CADPS2: variants seen among roughly 807,000 people sequenced by gnomAD.
CADPS2 encodes the protein calcium dependent secretion activator 2.
In CADPS2, 93 loss-of-function variants were observed where a neutral mutation model predicts 172.5. The observed-to-expected ratio is 0.54, with a 90% CI of 0.46 to 0.64. The LOEUF (loss-of-function observed/expected upper bound fraction) is 0.64, where lower values mean the gene tolerates loss of function less well. CADPS2 is among the 30% of genes least tolerant of loss of function. The pLI, the probability that CADPS2 is intolerant of heterozygous loss-of-function variation, is 0.00. For synonymous variants in CADPS2, 546 were observed against 555.2 expected, an observed-to-expected ratio of 0.98 and a Z score of 0.23; for missense variants, 1,420 against 1,565.9, an observed-to-expected ratio of 0.91 and a Z score of 1.57.
intron 17 of CADPS2, chr7:122,424,591 A>G (rs2048914015): frequency 6.6e-6 from 1 of 152,240 alleles, no homozygotes; most frequent in South Asian, 2.1e-4. Context: ...TAAAGAGATG[A>G]TAGTGATGGA....
chr7:122,707,344 GA>G (rs1008088051), intron 2 of CADPS2, among the ~76,000 whole-genome samples: 12 of 151,862 alleles, frequency 7.9e-5, no homozygotes, highest in Admixed American at 5.3e-4. Context: ...AAATTTTTTA[GA>G]AGGTTATAAC....
intron 4 of CADPS2, among the ~76,000 whole-genome samples, chr7:122,622,537 T>C (rs1413275655): frequency 2.6e-5 from 4 of 152,220 alleles, no homozygotes; most frequent in Non-Finnish European, 5.9e-5. Flanking sequence ...GAATCATTCT[T>C]AGAGAAGATT....
chr7:122,702,257 T>A (rs775871119), intron 2 of CADPS2: 47 of 1,613,822 alleles, frequency 2.9e-5, no homozygotes, highest in Non-Finnish European at 3.8e-5. Flanking sequence ...CTGAATCGAG[T>A]GCAAAATTTC....
At position 122,650,062 on chromosome 7, in the gene CADPS2, C is replaced by G. The variant is rs182744369; in HGVS notation, c.786+13175G>C. Among the ~76,000 whole-genome samples, 1,211 of 151,150 alleles carry G rather than the reference C, an allele frequency of 8.0e-3. 15 individuals carry two copies. Among genetic ancestry groups the G allele is most frequent in the African/African-American group, 0.028 (1,163 of 41,218 alleles). On this transcript the variant is annotated intron_variant, in intron 3 of 29. Coordinates refer to ENST00000449022, the MANE Select transcript of CADPS2 (RefSeq NM_017954.11). ...TAGCTGGGATTACATGCGCGTGCCA[C>G]CACACCTGGCTAATTTTTTTGTATT...
At chr7:122,697,871 T>C (rs1369868540) in intron 2 of CADPS2, 4 of 1,613,392 alleles carry the variant, frequency 2.5e-6, no homozygotes, top group South Asian at 1.1e-5. Context: ...TCCACATGGA[T>C]TACTTTATCT....
At chr7:122,499,234 T>C (rs1285112882) in intron 9 of CADPS2, among the ~76,000 whole-genome samples, 1 of 152,220 alleles carries the variant, frequency 6.6e-6, no homozygotes, top group Non-Finnish European at 1.5e-5. Flanking sequence ...CTAGTTCTTT[T>C]AAGTTCTTTA....
At chr7:122,698,004 C>T in intron 2 of CADPS2, 1 of 1,613,392 alleles carries the variant, frequency 6.2e-7, no homozygotes, top group South Asian at 1.1e-5. Flanking sequence ...CCACTTGAAT[C>T]CCCAAAACTT....
At chr7:122,800,541 A>T (rs1346783391) in intron 1 of CADPS2, among the ~76,000 whole-genome samples, 4 of 152,188 alleles carry the variant, frequency 2.6e-5, no homozygotes, top group African/African-American at 9.7e-5. Flanking sequence ...GGGGCTGAGA[A>T]TTTGCCTTAA....
chr7:122,701,296 T>C lies in CADPS2; in HGVS notation c.453+35659A>G, dbSNP rs113197000. ...TGAGTTCATGTCCTTTGTAGGGACA[T>C]GGATGAAGCTGGAAACCATCATTCT... On this transcript the variant is annotated intron_variant, in intron 2 of 29. Coordinates refer to ENST00000449022, the MANE Select transcript of CADPS2 (RefSeq NM_017954.11). Among the ~76,000 whole-genome samples, 688 of 152,310 alleles carry C rather than the reference T, an allele frequency of 4.5e-3. 5 individuals carry two copies. The highest frequency in any genetic ancestry group is 0.016 in the African/African-American group (664 of 41,582).
chr7:122,827,855 C>A (rs1415942158), intron 1 of CADPS2, among the ~76,000 whole-genome samples: 1 of 151,944 alleles, frequency 6.6e-6, no homozygotes. Flanking sequence ...AAGAATTCAG[C>A]AACACATAAA....
intron 7 of CADPS2, among the ~76,000 whole-genome samples, chr7:122,574,223 A>C (rs1420720153): frequency 6.6e-6 from 1 of 151,728 alleles, no homozygotes; most frequent in East Asian, 2.0e-4. Context: ...AGGTGGGAGG[A>C]TTTCTTGAGT....
At chr7:122,739,622 T>C (rs746248720) in intron 1 of CADPS2, among the ~76,000 whole-genome samples, 16 of 152,158 alleles carry the variant, frequency 1.1e-4, no homozygotes, top group Middle Eastern at 3.2e-3. Flanking sequence ...GAATAGAGGA[T>C]ACTGCAGTTA....
At chr7:122,645,234 T>C (rs571379792) in intron 3 of CADPS2, among the ~76,000 whole-genome samples, 7 of 3,298 alleles carry the variant, frequency 2.1e-3, no homozygotes, top group Non-Finnish European at 8.9e-3. Flanking sequence ...ACGCTAAGTA[T>C]ATATATACAC....
At chr7:122,598,438 C>T (rs572073368) in intron 6 of CADPS2, among the ~76,000 whole-genome samples, 1 of 151,998 alleles carries the variant, frequency 6.6e-6, no homozygotes, top group East Asian at 1.9e-4. Flanking sequence ...TTTGTTGCTG[C>T]TAAAATATTC....
At chr7:122,342,820 A>G (rs180805046) in intron 28 of CADPS2, among the ~76,000 whole-genome samples, 15 of 152,312 alleles carry the variant, frequency 9.8e-5, no homozygotes, top group African/African-American at 3.6e-4. Flanking sequence ...TCTAATTGGA[A>G]TAGCAAAAGT....
intron 2 of CADPS2, among the ~76,000 whole-genome samples, chr7:122,700,309 C>T (rs540308169): frequency 9.2e-5 from 14 of 152,248 alleles, no homozygotes; most frequent in African/African-American, 3.1e-4. Context: ...AAATCTACAA[C>T]ATGGTAATTT....
chr7:122,726,895 A>G (rs891458999), intron 2 of CADPS2, among the ~76,000 whole-genome samples: 1 of 151,990 alleles, frequency 6.6e-6, no homozygotes, highest in East Asian at 1.9e-4. Flanking sequence ...AGTAAAATGA[A>G]TAAAACTAAA....
intron 1 of CADPS2, among the ~76,000 whole-genome samples, chr7:122,838,104 G>A (rs1029875138): frequency 2.0e-5 from 3 of 152,144 alleles, no homozygotes; most frequent in East Asian, 3.8e-4. Context: ...CTTCATCCCT[G>A]GGATGCAAGG....
intron 7 of CADPS2, among the ~76,000 whole-genome samples, chr7:122,577,037 AG>A (rs2068146045): frequency 6.6e-6 from 1 of 152,070 alleles, no homozygotes; most frequent in African/African-American, 2.4e-5. Flanking sequence ...CTGGGATTAT[AG>A]GCATGAGCCA....
Sources: allele counts gnomAD v4.1 joint callset (sites outside exome capture counted in the v4.1 genomes callset), GRCh38; gene constraint gnomAD v4.1.1; transcripts MANE v1.5; gene names NCBI Gene and HGNC (gene_info 2026-07-23, HGNC 2026-07-21).